The following TMEM268 variants were observed in gnomAD, a reference collection of about 807,000 sequenced individuals.
TMEM268 encodes transmembrane protein 268, also known as transmembrane protein C9orf91.
In TMEM268, 24 loss-of-function variants were observed where a neutral mutation model predicts 39.1. The observed-to-expected ratio is 0.61, with a 90% confidence interval of 0.44 to 0.86. The LOEUF is 0.86. Among genes scored for constraint, TMEM268 ranks in the 40% least tolerant of loss-of-function variants. The pLI, the probability that TMEM268 is intolerant of heterozygous loss-of-function variation, is 0.00. For missense variants in TMEM268, 409 were observed against 428.6 expected (o/e 0.95, Z 0.40); for synonymous variants, 176 against 173.5 (o/e 1.01, Z -0.12).
chr9:114,612,877 T>G (rs1845560348), intron 1 of TMEM268, among the ~76,000 whole-genome samples: 1 of 152,218 alleles, frequency 6.6e-6, no homozygotes, highest in African/African-American at 2.4e-5. Flanking sequence ...ACTTCAGATT[T>G]TATTTCCAGT....
chr9:114,623,813 A>G (rs1294265636), intron 2 of TMEM268, among the ~76,000 whole-genome samples: 2 of 152,120 alleles, frequency 1.3e-5, no homozygotes, highest in African/African-American at 4.8e-5. Context: ...ACCCTTTGCC[A>G]TGGAAGGCAG....
At chr9:114,607,809 G>T (rs564285932), upstream of TMEM268, among the ~76,000 whole-genome samples, 5 of 152,328 alleles carry the variant, frequency 3.3e-5, no homozygotes, top group Admixed American at 6.5e-5. Flanking sequence ...TGGTTCGTCA[G>T]GTAGAACGAT....
intron 8 of TMEM268, among the ~76,000 whole-genome samples, chr9:114,642,738 C>T (rs1827409046): frequency 1.3e-5 from 2 of 152,164 alleles, no homozygotes. Flanking sequence ...ACCTCGGCCT[C>T]CCAAAGTGCT....
At chr9:114,637,883 C>A (rs1380178004) in intron 7 of TMEM268, among the ~76,000 whole-genome samples, 1 of 152,150 alleles carries the variant, frequency 6.6e-6, no homozygotes, top group Non-Finnish European at 1.5e-5. Context: ...TGCAGTGAGT[C>A]TTGAAGTCAG....
upstream of TMEM268, among the ~76,000 whole-genome samples, chr9:114,606,711 A>G (rs1845370852): frequency 7.0e-6 from 1 of 143,822 alleles, no homozygotes. Context: ...CTGGATTTAA[A>G]CCCAGGTCTG....
intron 1 of TMEM268, among the ~76,000 whole-genome samples, chr9:114,615,044 C>T (rs1489013348): frequency 6.6e-6 from 1 of 151,854 alleles, no homozygotes; most frequent in Non-Finnish European, 1.5e-5. Context: ...TTACAGGCGC[C>T]TGCCACCATG....
chr9:114,608,199 CAT>C (rs1468800057), upstream of TMEM268, among the ~76,000 whole-genome samples: 4 of 152,380 alleles, frequency 2.6e-5, no homozygotes, highest in Non-Finnish European at 5.9e-5. Flanking sequence ...GATGCAAACA[CAT>C]GATACCTCGT....
chr9:114,607,975 A>C (rs1220692842), upstream of TMEM268, among the ~76,000 whole-genome samples: 2 of 151,936 alleles, frequency 1.3e-5, no homozygotes, highest in South Asian at 4.1e-4. Context: ...GAGAGTGAGT[A>C]AAGATTAGTC....
chr9:114,622,540 T>C, intron 2 of TMEM268: 2 of 980,148 alleles, frequency 2.0e-6, no homozygotes, highest in Non-Finnish European at 2.4e-6. Context: ...CTCCCTGGTC[T>C]TGAGGGGATT....
At chr9:114,612,176 T>C (rs1845527240) in intron 1 of TMEM268, among the ~76,000 whole-genome samples, 1 of 152,142 alleles carries the variant, frequency 6.6e-6, no homozygotes, top group Admixed American at 6.5e-5. Context: ...CGAATCTCAG[T>C]GCTGCACATA....
chr9:114,605,439 T>G, the TMEM268 span, among the ~76,000 whole-genome samples: 7 of 151,984 alleles, frequency 4.6e-5, no homozygotes, highest in Admixed American at 1.3e-4. Flanking sequence ...TTCAGGGAGA[T>G]CTAGAAGGTG....
chr9:114,623,712 G>A (rs7036626), intron 2 of TMEM268, among the ~76,000 whole-genome samples: 53,564 of 151,988 alleles, frequency 0.35, 9,819 homozygotes, highest in Admixed American at 0.44. Flanking sequence ...GCTTTTCCAC[G>A]TTTAAGGTTC....
chr9:114,604,266 A>AT, the TMEM268 span, among the ~76,000 whole-genome samples: 9 of 152,074 alleles, frequency 5.9e-5, no homozygotes, highest in African/African-American at 2.2e-4. Context: ...ATTTTATGTC[A>AT]TGTAAACCTA....
chr9:114,622,498 C>T lies in TMEM268; in HGVS notation c.107-1852C>T, dbSNP rs1366486141. On this transcript the variant is annotated intron_variant, in intron 2 of 8. Transcript: ENST00000288502. Reference sequence around the variant, plus strand: ...CAGTTTCTCTACTTGGAACTGCAGGCAGGTAGGTTTGGCTTTGTGCTGCTG... The same window carrying T: ...CAGTTTCTCTACTTGGAACTGCAGGTAGGTAGGTTTGGCTTTGTGCTGCTG... The T allele has an allele frequency of 2.6e-5, 26 of 985,072 alleles. No individual in the cohort carries two copies. The Admixed American group carries it at 1.6e-3, about 61-fold the overall frequency. The allele number at this position is 985,072 out of a possible 1,614,324, so 61.0% of individuals were successfully genotyped here.
intron 7 of TMEM268, 59 bp downstream of exon 7, chr9:114,637,129 T>C (rs147401223): frequency 1.8e-6 from 2 of 1,123,636 alleles, no homozygotes; most frequent in East Asian, 4.7e-5. Context: ...TGTATCGATT[T>C]CATTATCTTA....
chr9:114,627,751 A>G (rs931751757), intron 4 of TMEM268, among the ~76,000 whole-genome samples: 14 of 152,192 alleles, frequency 9.2e-5, no homozygotes, highest in Non-Finnish European at 1.9e-4. Context: ...ACTGAGACTT[A>G]GGGGAGTTAT....
chr9:114,628,396 T>C (rs530649952), intron 5 of TMEM268, 146 bp downstream of exon 5: 3 of 839,500 alleles, frequency 3.6e-6, no homozygotes, highest in Admixed American at 5.3e-5. Flanking sequence ...CTAAAAGAAA[T>C]CAAATTGTGT....
At chr9:114,643,111 A>G (rs777368647) in intron 8 of TMEM268, 23 bp from the exon 9 acceptor site, 63 of 1,613,512 alleles carry the variant, frequency 3.9e-5, no homozygotes, top group South Asian at 9.9e-5. Context: ...GTGGTATTCA[A>G]TCTGCTTCCC....
Position 114,644,019 on chromosome 9 carries a change from A to G in TMEM268, c.*706A>G, listed in dbSNP as rs377337957. The G allele has an allele frequency of 6.6e-6, 1 of 152,116 alleles. No individual in the cohort carries two copies. The highest frequency in any genetic ancestry group is 1.9e-4 in the East Asian group (1 of 5,198). 9.4% of individuals were successfully genotyped at this position (152,116 alleles called of 1,614,324 possible). A position where few individuals can be genotyped will look rare whatever the true frequency, so the allele number is the denominator to read the frequency against. ...TTGATCCTGTTTGACTTGAGGACTT[A>G]TTTTGTTCACAGGCATGCACGCTTG... On this transcript the variant is annotated 3_prime_UTR_variant, in exon 9 of 9. Transcript: ENST00000288502.
Sources: gnomAD v4.1 joint callset for allele counts (sites outside exome capture counted in the v4.1 genomes callset) on GRCh38, gnomAD v4.1.1 for gene constraint, MANE v1.5 for transcripts, NCBI Gene and HGNC (gene_info 2026-07-23, HGNC 2026-07-21) for gene names.